GALNT13: variants seen among roughly 807,000 people sequenced by gnomAD.
The protein encoded by GALNT13 is UDP-GalNAc:polypeptide N-acetylgalactosaminyltransferase 13.
Under a neutral mutation model 64.2 loss-of-function variants are expected in GALNT13, and 28 were observed. That is an observed-to-expected ratio of 0.44 (90% CI 0.32 to 0.60). The LOEUF is 0.60. GALNT13 is among the 20% of genes least tolerant of loss of function. GALNT13 has a pLI of 0.05. For missense variants in GALNT13, 577 were observed against 669.8 expected, an observed-to-expected ratio of 0.86 and a Z score of 1.53; for synonymous variants, 214 against 224.6, an observed-to-expected ratio of 0.95 and a Z score of 0.42.
At chr2:154,355,724 A>G (rs1221614392) in intron 9 of GALNT13, among the ~76,000 whole-genome samples, 3 of 152,098 alleles carry the variant, frequency 2.0e-5, no homozygotes, top group Non-Finnish European at 4.4e-5. Context: ...GAGAGGCTGC[A>G]TAAAATGAGT....
At chr2:153,913,240 G>A (rs1161910138) in intron 2 of GALNT13, among the ~76,000 whole-genome samples, 5 of 152,134 alleles carry the variant, frequency 3.3e-5, no homozygotes, top group Non-Finnish European at 4.4e-5. Context: ...CAGGGCAGGC[G>A]GCTTTCATGC....
At chr2:153,642,046 A>G in the GALNT13 span, among the ~76,000 whole-genome samples, 1 of 151,958 alleles carries the variant, frequency 6.6e-6, no homozygotes, top group Admixed American at 6.6e-5. Context: ...TATCTTCAAT[A>G]GATTAGGTTA....
chr2:153,466,471 A>T, the GALNT13 span, among the ~76,000 whole-genome samples: 36 of 150,748 alleles, frequency 2.4e-4, no homozygotes, highest in Admixed American at 3.3e-4. Context: ...AATATATCTG[A>T]GTTTGTTTAC....
At chr2:153,399,933 T>C in the GALNT13 span, among the ~76,000 whole-genome samples, 30 of 151,726 alleles carry the variant, frequency 2.0e-4, no homozygotes, top group African/African-American at 5.8e-4. Flanking sequence ...TGCTGCCTAA[T>C]TGCCCTGGCC....
chr2:154,443,208 G>A (rs1237619425), intron 12 of GALNT13, among the ~76,000 whole-genome samples: 1 of 152,014 alleles, frequency 6.6e-6, no homozygotes, highest in African/African-American at 2.4e-5. Context: ...ACCCATAGCT[G>A]TGATTTCTTA....
the GALNT13 span, among the ~76,000 whole-genome samples, chr2:153,682,893 G>A: frequency 1.3e-5 from 2 of 151,742 alleles, no homozygotes; most frequent in East Asian, 3.9e-4. Context: ...GAAGTGACTA[G>A]CAGACAGGGC....
At chr2:154,159,573 A>G (rs1684616081) in intron 4 of GALNT13, among the ~76,000 whole-genome samples, 1 of 152,172 alleles carries the variant, frequency 6.6e-6, no homozygotes, top group South Asian at 2.1e-4. Flanking sequence ...GAAAAACTTG[A>G]CTTTGATTTT....
At chr2:153,497,980 T>C in the GALNT13 span, among the ~76,000 whole-genome samples, 1 of 152,068 alleles carries the variant, frequency 6.6e-6, no homozygotes, top group Non-Finnish European at 1.5e-5. Context: ...GCTGTGAGAG[T>C]TCAGAAGAAT....
At chr2:153,760,883 A>G in the GALNT13 span, among the ~76,000 whole-genome samples, 4 of 152,094 alleles carry the variant, frequency 2.6e-5, no homozygotes, top group South Asian at 4.1e-4. Flanking sequence ...ATCCTTTAAG[A>G]TTTCCCGTAC....
chr2:153,072,403 T>C, the GALNT13 span, among the ~76,000 whole-genome samples: 1 of 152,184 alleles, frequency 6.6e-6, no homozygotes. Context: ...ACTACACAGA[T>C]CATTCTTCCT....
chr2:153,305,413 G>A, the GALNT13 span, among the ~76,000 whole-genome samples: 2 of 152,132 alleles, frequency 1.3e-5, no homozygotes, highest in African/African-American at 4.8e-5. Flanking sequence ...TCTGCACACT[G>A]TGCTATTGGA....
At chr2:153,949,111 T>C (rs182730624) in intron 3 of GALNT13, among the ~76,000 whole-genome samples, 1 of 152,134 alleles carries the variant, frequency 6.6e-6, no homozygotes, top group Non-Finnish European at 1.5e-5. Context: ...TAACATGTTA[T>C]ACAAGTTTGT....
intron 11 of GALNT13, among the ~76,000 whole-genome samples, chr2:154,418,955 CTATTT>C (rs1030005063): frequency 1.5e-4 from 23 of 152,138 alleles, no homozygotes; most frequent in African/African-American, 5.5e-4. Flanking sequence ...TTTAGAGATT[CTATTT>C]TAACTCAAAT....
At chr2:154,193,669 C>T (rs908735601) in intron 4 of GALNT13, among the ~76,000 whole-genome samples, 5 of 152,150 alleles carry the variant, frequency 3.3e-5, no homozygotes, top group South Asian at 2.1e-4. Flanking sequence ...GCAATAATAA[C>T]TCATGTAATT....
chr2:153,477,296 C>T, the GALNT13 span: 3 of 152,650 alleles, frequency 2.0e-5, no homozygotes, highest in Non-Finnish European at 4.4e-5. Context: ...CCCGTTCCCC[C>T]CTGCTGGGGA....
At chr2:153,417,418 A>T in the GALNT13 span, among the ~76,000 whole-genome samples, 4 of 152,216 alleles carry the variant, frequency 2.6e-5, no homozygotes, top group African/African-American at 9.6e-5. Flanking sequence ...TGATAGGTTA[A>T]GAATAAACAG....
At chr2:153,553,238 T>TGTGGTGGCTCACAC in the GALNT13 span, among the ~76,000 whole-genome samples, 3 of 131,052 alleles carry the variant, frequency 2.3e-5, no homozygotes, top group African/African-American at 1.1e-4. Flanking sequence ...GTTGGCCACA[T>TGTGGTGGCTCACAC]GTGTAATCCC....
the GALNT13 span, among the ~76,000 whole-genome samples, chr2:153,843,422 A>G: frequency 2.0e-5 from 3 of 152,190 alleles, no homozygotes; most frequent in African/African-American, 7.2e-5. Flanking sequence ...TTCATGAGGG[A>G]TCTGCCACCA....
rs146207440 is a variant in GALNT13 at position 154,452,750 on chromosome 2, T to G, written c.*2199T>G. ...TGCCATTATAGTATCTAACAAAAAG[T>G]GGCATAAAATATTACAAAACATCCA... On this transcript the variant is annotated 3_prime_UTR_variant, in exon 13 of 13. Coordinates refer to ENST00000392825, the MANE Select transcript of GALNT13 (RefSeq NM_052917.4). The G allele has an allele frequency of 4.2e-3, 643 of 152,264 alleles. 8 individuals carry two copies. Among genetic ancestry groups the G allele is most frequent in the African/African-American group, 0.015 (624 of 41,568 alleles). 9.4% of individuals were successfully genotyped at this position (152,264 alleles called of 1,614,324 possible).
Sources: allele counts gnomAD v4.1 joint callset (sites outside exome capture counted in the v4.1 genomes callset), GRCh38; gene constraint gnomAD v4.1.1; transcripts MANE v1.5; gene names NCBI Gene and HGNC (gene_info 2026-07-23, HGNC 2026-07-21).